AGPAT4: variants seen among roughly 807,000 people sequenced by gnomAD.
The protein encoded by AGPAT4 is 1-acylglycerol-3-phosphate O-acyltransferase 4.
Under a neutral mutation model 48.0 loss-of-function variants are expected in AGPAT4, and 15 were observed. The observed-to-expected ratio is 0.31, with a 90% CI of 0.21 to 0.48. The LOEUF (loss-of-function observed/expected upper bound fraction) is 0.48, where lower values mean the gene tolerates loss of function less well. Ranked by LOEUF, AGPAT4 falls within the 20% of genes least tolerant of loss-of-function variation. The pLI, the probability that AGPAT4 is intolerant of heterozygous loss-of-function variation, is 0.99. For synonymous variants in AGPAT4, 178 were observed against 198.7 expected (o/e 0.90, Z 0.88); for missense variants, 314 against 482.5 (o/e 0.65, Z 3.27).
rs117299111 is a variant in AGPAT4 at position 161,170,961 on chromosome 6, C to T, written c.179-4544G>A. Among the ~76,000 whole-genome samples, 48 of 152,300 alleles carry T rather than the reference C, an allele frequency of 3.2e-4. No homozygotes were observed. The East Asian group carries it at 6.9e-3, about 22-fold the overall frequency. Reference sequence around the variant, plus strand: ...CTTCCCACAAGATTCTGTCCCTGTACGCTCACTCCATGGAAAGGGCAGTGT... The same window carrying T: ...CTTCCCACAAGATTCTGTCCCTGTATGCTCACTCCATGGAAAGGGCAGTGT... On this transcript the variant is annotated intron_variant, in intron 2 of 8. Coordinates refer to ENST00000320285, the MANE Select transcript of AGPAT4 (RefSeq NM_020133.3).
chr6:161,153,878 T>C (rs1304257614), intron 4 of AGPAT4, among the ~76,000 whole-genome samples: 8 of 103,920 alleles, frequency 7.7e-5, no homozygotes, highest in Non-Finnish European at 1.6e-4. Flanking sequence ...CACGGCCCCA[T>C]GGTCACACAC....
chr6:161,155,462 C>T lies in AGPAT4; in HGVS notation c.349-1152G>A, dbSNP rs533785238. Among the ~76,000 whole-genome samples the T allele has an allele frequency of 6.6e-5, 10 of 152,282 alleles. No individual in the cohort carries two copies. The highest frequency in any genetic ancestry group is 2.2e-4 in the African/African-American group (9 of 41,566). On this transcript the variant is annotated intron_variant, in intron 3 of 8. Coordinates refer to ENST00000320285, the MANE Select transcript of AGPAT4 (RefSeq NM_020133.3). The surrounding 1 kb of genome is among the most constrained non-coding windows in gnomAD (Gnocchi z 5.8). ...TCTCCTCCCCGTTACACCCATGCCT[C>T]TCCGCAGCTCCAGCTCAGCACAGGG... is the stretch of plus-strand genomic sequence containing the variant.
In AGPAT4 at chr6:161,188,819, G is replaced by A. The variant is rs1381019638; in HGVS notation, c.179-22402C>T. Among the ~76,000 whole-genome samples the A allele has an allele frequency of 2.6e-5, 4 of 152,078 alleles. 1 individual carries two copies. The highest frequency in any genetic ancestry group is 4.2e-4 in the South Asian group (2 of 4,818). ...CCAGCGGCCGTCGAATGGGGCTTCC[G>A]TAAACATCATTCCCTAGAATCCCGA... On this transcript the variant is annotated intron_variant, in intron 2 of 8. Coordinates refer to ENST00000320285, the MANE Select transcript of AGPAT4 (RefSeq NM_020133.3).
At chr6:161,250,919 T>G (rs965403947) in intron 1 of AGPAT4, among the ~76,000 whole-genome samples, 3 of 152,202 alleles carry the variant, frequency 2.0e-5, no homozygotes, top group African/African-American at 7.2e-5. Context: ...CCTCCATGAC[T>G]TTTTTATTGA....
intron 2 of AGPAT4, among the ~76,000 whole-genome samples, chr6:161,227,215 C>T (rs982625167): frequency 1.3e-5 from 2 of 152,178 alleles, no homozygotes; most frequent in African/African-American, 4.8e-5. Flanking sequence ...AAACACCGGC[C>T]TCTAGTAGGT....
rs1334344355 is a variant in AGPAT4 at position 161,270,496 on chromosome 6, C to T, written c.-90+3442G>A. On this transcript the variant is annotated intron_variant, in intron 1 of 8. Coordinates refer to ENST00000320285, the MANE Select transcript of AGPAT4 (RefSeq NM_020133.3). The surrounding 1 kb of genome is among the most constrained non-coding windows in gnomAD (Gnocchi z 5.3). ...CAGAAATGTGAATGTGGGCCAGGCACGGTGGCTCACGCCTGTAATCCCAGC... is the reference window on the plus strand; with the variant it reads ...CAGAAATGTGAATGTGGGCCAGGCATGGTGGCTCACGCCTGTAATCCCAGC... Among the ~76,000 whole-genome samples the T allele has an allele frequency of 1.3e-5, 2 of 152,160 alleles. No homozygotes were observed. The highest frequency in any genetic ancestry group is 1.9e-4 in the East Asian group (1 of 5,184).
At chr6:161,205,949 C>T (rs751502359) in intron 2 of AGPAT4, among the ~76,000 whole-genome samples, 19 of 151,982 alleles carry the variant, frequency 1.3e-4, no homozygotes, top group Non-Finnish European at 2.2e-4. Context: ...ATAAAATAAA[C>T]GTAAGAGACT....
chr6:161,146,457 A>AC lies in AGPAT4; in HGVS notation c.843+66dup. On this transcript the variant is annotated intron_variant, in intron 7 of 8. Transcript: ENST00000320285. The surrounding 1 kb of genome is among the most constrained non-coding windows in gnomAD (Gnocchi z 7.1). The stretch of plus-strand genomic sequence containing the variant: ...CCACCGGAGAAAGGCCTGCTACCAC[A>AC]CAACACAGCCACACGGCGCACCCAC... 2 of 1,523,752 alleles carry AC rather than the reference A, an allele frequency of 1.3e-6. No individual in the cohort carries two copies. The highest frequency in any genetic ancestry group is 1.8e-6 in the Non-Finnish European group (2 of 1,105,478). 94.4% of individuals were successfully genotyped at this position (1,523,752 alleles called of 1,614,324 possible). A position where few individuals can be genotyped will look rare whatever the true frequency, so the allele number is the denominator to read the frequency against.
intron 2 of AGPAT4, among the ~76,000 whole-genome samples, chr6:161,228,575 C>CTT (rs10564297): frequency 9.2e-6 from 1 of 108,662 alleles, no homozygotes; most frequent in Non-Finnish European, 1.8e-5. Flanking sequence ...CACCCCCTGC[C>CTT]TTTTTTTTTT....
chr6:161,193,482 T>G lies in AGPAT4; in HGVS notation c.179-27065A>C, dbSNP rs534537896. 3.5e-4 allele frequency among the ~76,000 whole-genome samples: 54 copies of G among 152,320 alleles called. 1 individual carries two copies. The highest frequency in any genetic ancestry group is 6.2e-4 in the South Asian group (3 of 4,822). ...GGGGGATCTGAATACACGCTGCAAATTTGCAAGCAGGCCGCTCTGTGGTCA... is the reference window on the plus strand; with the variant it reads ...GGGGGATCTGAATACACGCTGCAAAGTTGCAAGCAGGCCGCTCTGTGGTCA... On this transcript the variant is annotated intron_variant, in intron 2 of 8. Coordinates refer to ENST00000320285, the MANE Select transcript of AGPAT4 (RefSeq NM_020133.3).
At chr6:161,252,340 C>T (rs764053253) in intron 1 of AGPAT4, among the ~76,000 whole-genome samples, 2 of 152,076 alleles carry the variant, frequency 1.3e-5, no homozygotes, top group East Asian at 3.9e-4. Flanking sequence ...TTGGGGAATT[C>T]CTTCATAAAC....
In AGPAT4 at chr6:161,196,359, G is replaced by T. The variant is rs1459049032; in HGVS notation, c.179-29942C>A. On this transcript the variant is annotated intron_variant, in intron 2 of 8. Coordinates refer to ENST00000320285, the MANE Select transcript of AGPAT4 (RefSeq NM_020133.3). This position sits in a 1 kb window ranked among gnomAD's most constrained non-coding sequence, Gnocchi z 4.3. ...CAGTCAGGGCAAACCCAACAGATAA[G>T]TCACATCAAATAACACCTAGTGCCT... 6.6e-6 allele frequency among the ~76,000 whole-genome samples: 1 copy of T among 152,166 alleles called. No individual in the cohort carries two copies. The highest frequency in any genetic ancestry group is 1.5e-5 in the Non-Finnish European group (1 of 68,028).
At chr6:161,185,773 C>A (rs996327107) in intron 2 of AGPAT4, among the ~76,000 whole-genome samples, 39 of 152,172 alleles carry the variant, frequency 2.6e-4, no homozygotes, top group Admixed American at 2.6e-4. Flanking sequence ...GGCACCGCTG[C>A]CTCTTCTCTA....
intron 3 of AGPAT4, among the ~76,000 whole-genome samples, chr6:161,156,291 C>T (rs1464185065): frequency 1.3e-5 from 2 of 152,222 alleles, no homozygotes; most frequent in East Asian, 1.9e-4. Flanking sequence ...TTGTAAGTGA[C>T]GTCCTGTGGC....
At position 161,178,794 on chromosome 6, in the gene AGPAT4, G is replaced by T. The variant is rs1780502664; in HGVS notation, c.179-12377C>A. 2.0e-5 allele frequency among the ~76,000 whole-genome samples: 3 copies of T among 152,206 alleles called. No individual in the cohort carries two copies. The highest frequency in any genetic ancestry group is 1.3e-4 in the Admixed American group (2 of 15,280). On this transcript the variant is annotated intron_variant, in intron 2 of 8. Transcript: ENST00000320285. This position sits in a 1 kb window ranked among gnomAD's most constrained non-coding sequence, Gnocchi z 5.1. ...CTTTTGTCATATTTTTAAAATTTCAGTTTGCCCAATTTTGCAGATGTTGTT... is the reference window on the plus strand; with the variant it reads ...CTTTTGTCATATTTTTAAAATTTCATTTTGCCCAATTTTGCAGATGTTGTT...
chr6:161,172,750 A>C (rs1285594023), intron 2 of AGPAT4, among the ~76,000 whole-genome samples: 2 of 152,040 alleles, frequency 1.3e-5, no homozygotes, highest in East Asian at 1.9e-4. Flanking sequence ...CCCATCAACT[A>C]GTCATTTACA....
chr6:161,237,752 T>G (rs185555639), intron 1 of AGPAT4, among the ~76,000 whole-genome samples: 244 of 152,288 alleles, frequency 1.6e-3, no homozygotes, highest in African/African-American at 5.6e-3. Context: ...TGTTTTATCA[T>G]CCTTTTTTAC....
Position 161,148,076 on chromosome 6 carries a change from G to T in AGPAT4, c.767+1111C>A, listed in dbSNP as rs974255416. ...GAAATAATCTTGTACACATCTTGGGGTTTTCCCAAATAACTGAGCCCAGCT... is the reference window on the plus strand; with the variant it reads ...GAAATAATCTTGTACACATCTTGGGTTTTTCCCAAATAACTGAGCCCAGCT... On this transcript the variant is annotated intron_variant, in intron 6 of 8. Coordinates refer to ENST00000320285, the MANE Select transcript of AGPAT4 (RefSeq NM_020133.3). This position sits in a 1 kb window ranked among gnomAD's most constrained non-coding sequence, Gnocchi z 5.5. Among the ~76,000 whole-genome samples the T allele has an allele frequency of 1.3e-5, 2 of 152,204 alleles. No homozygotes were observed. The highest frequency in any genetic ancestry group is 2.9e-5 in the Non-Finnish European group (2 of 68,022).
chr6:161,141,589 T>TA lies in AGPAT4; in HGVS notation c.844-1970dup, dbSNP rs557019114. ...GATATTTTTGTGCCTTGTTTTTTTT[T>TA]AAAAAAAAAACAGCTTTCTTAAGAT... On this transcript the variant is annotated intron_variant, in intron 7 of 8. Coordinates refer to ENST00000320285, the MANE Select transcript of AGPAT4 (RefSeq NM_020133.3). This position sits in a 1 kb window ranked among gnomAD's most constrained non-coding sequence, Gnocchi z 6.7. Among the ~76,000 whole-genome samples the TA allele has an allele frequency of 0.024, 3,645 of 150,246 alleles. 139 individuals carry two copies. Among genetic ancestry groups the TA allele is most frequent in the African/African-American group, 0.081 (3,293 of 40,758 alleles).
Sources: allele counts gnomAD v4.1 joint callset (sites outside exome capture counted in the v4.1 genomes callset), GRCh38; gene constraint gnomAD v4.1.1; non-coding constraint Gnocchi (gnomAD v3.1); transcripts MANE v1.5; gene names NCBI Gene and HGNC (gene_info 2026-07-23, HGNC 2026-07-21).